Variants in DCN observed in about 807,000 individuals in gnomAD.
DCN encodes decorin, also known as bone proteoglycan II.
Under a neutral mutation model 36.5 loss-of-function variants are expected in DCN, and 17 were observed. The ratio of observed to expected loss-of-function variants is 0.47; its 90% CI spans 0.32 to 0.70. The LOEUF (loss-of-function observed/expected upper bound fraction) is 0.70, where lower values mean the gene tolerates loss of function less well. DCN is among the 30% of genes least tolerant of loss of function. DCN has a pLI of 0.04. For missense variants in DCN, 389 were observed against 430.1 expected, an observed-to-expected ratio of 0.90 and a Z score of 0.84; for synonymous variants, 163 against 161.4, an observed-to-expected ratio of 1.01 and a Z score of -0.07.
At chr12:91,180,396 G>C (rs550647628) in intron 1 of DCN, 3 of 151,836 alleles carry the variant, frequency 2.0e-5, no homozygotes, top group South Asian at 4.1e-4. Flanking sequence ...AAGAGAGAGA[G>C]AGAGAGAAAG....
chr12:91,150,967 A>G (rs1173207905), intron 7 of DCN: 3 of 152,734 alleles, frequency 2.0e-5, no homozygotes, highest in Non-Finnish European at 4.4e-5. Context: ...ACTAGAAGCC[A>G]TCATCCTCAG....
In DCN at chr12:91,158,288, G is replaced by A. The variant is rs759575808; in HGVS notation, c.538+8C>T. The A allele has an allele frequency of 1.3e-6, 2 of 1,563,294 alleles. No homozygotes were observed. Among genetic ancestry groups the A allele is most frequent in the Admixed American group, 1.7e-5 (1 of 59,916 alleles). On this transcript the variant is annotated splice_region_variant and intron_variant, in intron 4 of 7. Coordinates refer to ENST00000052754, the MANE Select transcript of DCN (RefSeq NM_001920.5). ...GTTTTGGTCTTAAAGTTATAAAAAT[G>A]TCTGTACCTATGACAATCATCTGGT...
rs531541570 is a variant in DCN at position 91,145,978 on chromosome 12, G to A, written c.*80C>T. 1.5e-4 allele frequency: 178 copies of A among 1,224,688 alleles called. 1 individual carries two copies. Among genetic ancestry groups the A allele is most frequent in the Non-Finnish European group, 2.0e-4 (168 of 827,898 alleles). The allele number at this position is 1,224,688 out of a possible 1,614,324, so 75.9% of individuals were successfully genotyped here. A position where few individuals can be genotyped will look rare whatever the true frequency, so the allele number is the denominator to read the frequency against. On this transcript the variant is annotated 3_prime_UTR_variant, in exon 8 of 8. Coordinates refer to ENST00000052754, the MANE Select transcript of DCN (RefSeq NM_001920.5). ...CATCCACATTGCAGTTAGGTTTCCAGTATCTAGCTTTTATTTATTTTTTAG... is the reference window on the plus strand; with the variant it reads ...CATCCACATTGCAGTTAGGTTTCCAATATCTAGCTTTTATTTATTTTTTAG...
At chr12:91,163,645 A>G (rs1882306091) in intron 3 of DCN, among the ~76,000 whole-genome samples, 1 of 152,162 alleles carries the variant, frequency 6.6e-6, no homozygotes, top group African/African-American at 2.4e-5. Context: ...GAACATTATG[A>G]TAGAGTAGAG....
At chr12:91,170,652 T>G (rs1335967034) in intron 2 of DCN, among the ~76,000 whole-genome samples, 1 of 152,190 alleles carries the variant, frequency 6.6e-6, no homozygotes, top group Non-Finnish European at 1.5e-5. Flanking sequence ...ATATTACTCT[T>G]TGTTTGTACA....
chr12:91,168,381 A>AT (rs1882721918), intron 2 of DCN, among the ~76,000 whole-genome samples: 1 of 152,184 alleles, frequency 6.6e-6, no homozygotes, highest in South Asian at 2.1e-4. Context: ...TGCACCTCTA[A>AT]ACTTCTTACA....
At position 91,158,327 on chromosome 12, in the gene DCN, AG is replaced by A. The variant is rs1354974250; in HGVS notation, c.506del (p.Thr169IlefsTer5). On this transcript the variant is annotated frameshift_variant, in exon 4 of 8. Transcript: ENST00000052754. LOFTEE classifies it high-confidence loss of function. ...CAATCATCTGGTTCAGTCCATTGAA[AG>A]TAACTTTTCGCACTTTGGTGATCTC... ...ENEITKVRKVTFNGLNQMIVI... is the reference protein window; with the variant it reads ...ENEITKVRKVXFNGLNQMIVI... 6.2e-7 allele frequency: 1 copy of A among 1,612,966 alleles called. No homozygotes were observed. The highest frequency in any genetic ancestry group is 1.7e-5 in the Admixed American group (1 of 60,002).
At chr12:91,150,297 T>C (rs76603495) in intron 7 of DCN, among the ~76,000 whole-genome samples, 1 of 152,206 alleles carries the variant, frequency 6.6e-6, no homozygotes, top group Non-Finnish European at 1.5e-5. Flanking sequence ...AGACAATTCA[T>C]TGGAGAAAGA....
chr12:91,151,272 T>C (rs897495079), intron 7 of DCN: 17 of 230,722 alleles, frequency 7.4e-5, no homozygotes, highest in Non-Finnish European at 1.3e-4. Flanking sequence ...AAAGAAGCTC[T>C]TTCCAGTCAA....
intron 2 of DCN, among the ~76,000 whole-genome samples, chr12:91,174,255 G>A (rs1883155965): frequency 6.6e-6 from 1 of 151,952 alleles, no homozygotes. Context: ...GAGATGATGT[G>A]GTCCTCTTTA....
intron 3 of DCN, among the ~76,000 whole-genome samples, chr12:91,162,282 T>A (rs1882211218): frequency 6.6e-6 from 1 of 152,112 alleles, no homozygotes. Context: ...TCTTAAAATT[T>A]TAGAAAAAAA....
In DCN at chr12:91,170,073, A is replaced by G. The variant is rs542295314; in HGVS notation, c.212-5356T>C. On this transcript the variant is annotated intron_variant, in intron 2 of 7. Coordinates refer to ENST00000052754, the MANE Select transcript of DCN (RefSeq NM_001920.5). ...AGCAAGACTCTGTCTAAAAAAAAAAAAAAAAGAAAAAGAAAATTAGAAGAC... is the reference window on the plus strand; with the variant it reads ...AGCAAGACTCTGTCTAAAAAAAAAAGAAAAAGAAAAAGAAAATTAGAAGAC... Among the ~76,000 whole-genome samples, 883 of 151,898 alleles carry G rather than the reference A, an allele frequency of 5.8e-3. 9 individuals carry two copies. Among genetic ancestry groups the G allele is most frequent in the Non-Finnish European group, 6.8e-3 (462 of 67,936 alleles).
chr12:91,146,706 C>A (rs1028853367), intron 7 of DCN, among the ~76,000 whole-genome samples: 4 of 152,152 alleles, frequency 2.6e-5, no homozygotes, highest in African/African-American at 9.7e-5. Context: ...TTCTCCCTTC[C>A]TTTTGAAAAT....
chr12:91,163,889 A>T (rs1882323678), intron 3 of DCN, among the ~76,000 whole-genome samples: 1 of 152,224 alleles, frequency 6.6e-6, no homozygotes, highest in Non-Finnish European at 1.5e-5. Flanking sequence ...TAATACTAGG[A>T]TCAATCCATT....
At chr12:91,152,300 CAT>C (rs139523647) in intron 6 of DCN, among the ~76,000 whole-genome samples, 31 of 146,286 alleles carry the variant, frequency 2.1e-4, no homozygotes, top group Admixed American at 2.0e-4. Context: ...CACACACATG[CAT>C]ATATATATAT....
rs567103949 is a variant in DCN at position 91,146,591 on chromosome 12, T to G, written c.886-339A>C. Among the ~76,000 whole-genome samples, 148 of 152,238 alleles carry G rather than the reference T, an allele frequency of 9.7e-4. 1 individual carries two copies. Among genetic ancestry groups the G allele is most frequent in the African/African-American group, 2.8e-3 (118 of 41,548 alleles). On this transcript the variant is annotated intron_variant, in intron 7 of 7. Transcript: ENST00000052754. Reference sequence around the variant, plus strand: ...CTGGTCTAGAACTTCTGACCTCAAGTGATCCGGCCACCTCAGCCTCCTGAA... The same window carrying G: ...CTGGTCTAGAACTTCTGACCTCAAGGGATCCGGCCACCTCAGCCTCCTGAA...
Position 91,157,065 on chromosome 12 carries a change from C to A in DCN, c.652+10G>T, listed in dbSNP as rs370036360. The stretch of plus-strand genomic sequence containing the variant: ...AATTTTTCAAAATGTTTTGGAGAAT[C>A]TTCTATCACCTTGAGGAATGCTGGT... On this transcript the variant is annotated intron_variant, in intron 5 of 7. Coordinates refer to ENST00000052754, the MANE Select transcript of DCN (RefSeq NM_001920.5). 11 of 1,524,900 alleles carry A rather than the reference C, an allele frequency of 7.2e-6. No individual in the cohort carries two copies. In the African/African-American group the frequency reaches 1.2e-4, roughly 17 times the overall value. 94.5% of individuals were successfully genotyped at this position (1,524,900 alleles called of 1,614,324 possible).
intron 1 of DCN, among the ~76,000 whole-genome samples, chr12:91,182,046 A>G (rs1196935953): frequency 6.6e-6 from 1 of 152,130 alleles, no homozygotes; most frequent in Non-Finnish European, 1.5e-5. Context: ...CAGTGAAGAT[A>G]CTGACTGGGA....
chr12:91,151,399 A>G (rs1881404735), intron 7 of DCN: 2 of 444,142 alleles, frequency 4.5e-6, no homozygotes, highest in African/African-American at 4.0e-5. Context: ...CCCCTACTGA[A>G]AAAAATATCA....
Sources: gnomAD v4.1 joint callset for allele counts (sites outside exome capture counted in the v4.1 genomes callset) on GRCh38, gnomAD v4.1.1 for gene constraint, MANE v1.5 for transcripts, NCBI Gene and HGNC (gene_info 2026-07-23, HGNC 2026-07-21) for gene names.